Variants in LRRTM4 observed in about 807,000 individuals in gnomAD.
The protein encoded by LRRTM4 is leucine-rich repeat transmembrane neuronal protein 4.
Under a neutral mutation model 47.6 loss-of-function variants are expected in LRRTM4, and 25 were observed. That is an observed-to-expected ratio of 0.53 (90% CI 0.38 to 0.73). The LOEUF is 0.73. Ranked by LOEUF, LRRTM4 falls within the 30% of genes least tolerant of loss-of-function variation. LRRTM4 has a pLI of 0.00. For missense variants in LRRTM4, 638 were observed against 713.4 expected (o/e 0.89, Z 1.20); for synonymous variants, 311 against 269.5 (o/e 1.15, Z -1.51).
intron 3 of LRRTM4, among the ~76,000 whole-genome samples, chr2:76,991,127 C>T (rs906411703): frequency 4.6e-5 from 7 of 151,626 alleles, no homozygotes; most frequent in African/African-American, 1.5e-4. Context: ...ACCAAAATCC[C>T]TGGGATGCAA....
At chr2:76,873,518 A>ATATATATATG (rs1672695066) in intron 3 of LRRTM4, among the ~76,000 whole-genome samples, 1 of 145,736 alleles carries the variant, frequency 6.9e-6, no homozygotes, top group African/African-American at 2.5e-5. Flanking sequence ...ATATATATAT[A>ATATATATATG]TATATATATA....
chr2:77,313,140 G>T lies in LRRTM4; in HGVS notation c.1551+205178C>A, dbSNP rs187052739. ...CTCGTGCTGGGATGTGCCTCCCTAT[G>T]TTTTCCTGGGACCTGTTGCTGTGAC... is the stretch of plus-strand genomic sequence containing the variant. On this transcript the variant is annotated intron_variant, in intron 3 of 3. Coordinates refer to ENST00000409884, the MANE Select transcript of LRRTM4 (RefSeq NM_001134745.3). 7.6e-5 allele frequency among the ~76,000 whole-genome samples: 11 copies of T among 145,156 alleles called. No individual in the cohort carries two copies. In the South Asian group the frequency reaches 1.5e-3, roughly 20 times the overall value.
At chr2:77,241,777 T>C (rs1168249729) in intron 3 of LRRTM4, among the ~76,000 whole-genome samples, 1 of 152,150 alleles carries the variant, frequency 6.6e-6, no homozygotes, top group East Asian at 1.9e-4. Flanking sequence ...TATATTTTCT[T>C]CTAAGACTTG....
At chr2:77,449,188 T>C (rs1259678842) in intron 3 of LRRTM4, among the ~76,000 whole-genome samples, 2 of 152,176 alleles carry the variant, frequency 1.3e-5, no homozygotes, top group Admixed American at 1.3e-4. Flanking sequence ...GAATATGCGT[T>C]TAAGATAATT....
chr2:76,994,963 C>T (rs10193309), intron 3 of LRRTM4, among the ~76,000 whole-genome samples: 76,419 of 151,624 alleles, frequency 0.5, 19,973 homozygotes, highest in African/African-American at 0.64. Context: ...AAACCCCTTC[C>T]TGACATTTTT....
intron 3 of LRRTM4, among the ~76,000 whole-genome samples, chr2:77,258,552 A>G (rs1178799034): frequency 6.6e-6 from 1 of 152,108 alleles, no homozygotes; most frequent in Non-Finnish European, 1.5e-5. Flanking sequence ...TACTATCTTT[A>G]CAACTTCCTG....
chr2:77,051,149 T>C (rs1473211281), intron 3 of LRRTM4, among the ~76,000 whole-genome samples: 1 of 151,968 alleles, frequency 6.6e-6, no homozygotes, highest in Non-Finnish European at 1.5e-5. Flanking sequence ...GGGGCTGCTA[T>C]TGTCATCTAG....
At position 77,355,433 on chromosome 2, in the gene LRRTM4, GA is replaced by G. The variant is rs148706573; in HGVS notation, c.1551+162884del. Reference sequence around the variant, plus strand: ...CCACTCAGAGTAAAGTATCCATATTGAAAAAGTTATTTCCTATGCCAAAATG... The same window carrying G: ...CCACTCAGAGTAAAGTATCCATATTGAAAAGTTATTTCCTATGCCAAAATG... On this transcript the variant is annotated intron_variant, in intron 3 of 3. Coordinates refer to ENST00000409884, the MANE Select transcript of LRRTM4 (RefSeq NM_001134745.3). Among the ~76,000 whole-genome samples, 1,049 of 152,158 alleles carry G rather than the reference GA, an allele frequency of 6.9e-3. 13 individuals are homozygous for G. The highest frequency in any genetic ancestry group is 0.024 in the African/African-American group (978 of 41,538).
intron 3 of LRRTM4, among the ~76,000 whole-genome samples, chr2:76,849,267 G>A (rs780682212): frequency 1.3e-5 from 2 of 151,994 alleles, no homozygotes; most frequent in Non-Finnish European, 2.9e-5. Flanking sequence ...CTTCTCCAAG[G>A]CTTTCTGTTT....
At chr2:76,802,125 A>T (rs1025573472) in intron 3 of LRRTM4, among the ~76,000 whole-genome samples, 3 of 152,110 alleles carry the variant, frequency 2.0e-5, no homozygotes, top group Admixed American at 6.6e-5. Context: ...TAGCCCGAGC[A>T]ATTAGGCAAG....
intron 3 of LRRTM4, among the ~76,000 whole-genome samples, chr2:76,767,409 G>C (rs541607840): frequency 6.6e-6 from 1 of 152,094 alleles, no homozygotes; most frequent in Admixed American, 6.5e-5. Context: ...GCTATAATTC[G>C]GGTAGTAATA....
In LRRTM4 at chr2:77,406,553, C is replaced by T. The variant is rs542651018; in HGVS notation, c.1551+111765G>A. Among the ~76,000 whole-genome samples the T allele has an allele frequency of 3.9e-5, 6 of 152,172 alleles. No individual in the cohort carries two copies. The South Asian group carries it at 1.2e-3, about 32-fold the overall frequency. The stretch of plus-strand genomic sequence containing the variant: ...CTGGGTTCAAGTTATCCTCCAACTT[C>T]GGCTTCCCAAAGTGCACGATTATGG... On this transcript the variant is annotated intron_variant, in intron 3 of 3. Coordinates refer to ENST00000409884, the MANE Select transcript of LRRTM4 (RefSeq NM_001134745.3).
At chr2:77,081,900 C>T (rs1680546290) in intron 3 of LRRTM4, among the ~76,000 whole-genome samples, 1 of 152,094 alleles carries the variant, frequency 6.6e-6, no homozygotes, top group Admixed American at 6.5e-5. Flanking sequence ...TACCAAGACA[C>T]ATTTCATCGG....
chr2:77,058,585 G>C (rs868270973), intron 3 of LRRTM4, among the ~76,000 whole-genome samples: 2 of 150,460 alleles, frequency 1.3e-5, no homozygotes, highest in African/African-American at 4.9e-5. Context: ...TTAATACAAA[G>C]TAAAAATCTC....
intron 3 of LRRTM4, among the ~76,000 whole-genome samples, chr2:77,284,197 G>C (rs1316961256): frequency 6.6e-6 from 1 of 151,958 alleles, no homozygotes; most frequent in East Asian, 1.9e-4. Flanking sequence ...TATTTCCTTG[G>C]GATGTGTTTC....
intron 3 of LRRTM4, among the ~76,000 whole-genome samples, chr2:76,958,704 C>T (rs916909700): frequency 1.3e-5 from 2 of 151,696 alleles, no homozygotes; most frequent in Middle Eastern, 3.2e-3. Context: ...TCATGTTTCA[C>T]TGAATGTAAG....
chr2:76,933,143 T>C (rs543551638), intron 3 of LRRTM4, among the ~76,000 whole-genome samples: 3 of 152,114 alleles, frequency 2.0e-5, no homozygotes, highest in Non-Finnish European at 4.4e-5. Context: ...TATATCTAAA[T>C]AGCACATTTT....
chr2:77,352,148 C>T (rs1224238526), intron 3 of LRRTM4, among the ~76,000 whole-genome samples: 2 of 152,128 alleles, frequency 1.3e-5, no homozygotes, highest in African/African-American at 4.8e-5. Flanking sequence ...GCTTAGCATT[C>T]ATAAGAAGCT....
chr2:77,033,366 T>C (rs1678727038), intron 3 of LRRTM4, among the ~76,000 whole-genome samples: 1 of 151,734 alleles, frequency 6.6e-6, no homozygotes, highest in Admixed American at 6.6e-5. Context: ...CTAACAGCAA[T>C]GAAAGACATT....
Sources: gnomAD v4.1 joint callset for allele counts (sites outside exome capture counted in the v4.1 genomes callset) on GRCh38, gnomAD v4.1.1 for gene constraint, MANE v1.5 for transcripts, NCBI Gene and HGNC (gene_info 2026-07-23, HGNC 2026-07-21) for gene names.